Variants in GSDMA observed in about 807,000 individuals in gnomAD.
GSDMA encodes the protein gasdermin A, also known as gasdermin-A.
A neutral mutation model predicts 54.3 loss-of-function variants in GSDMA; 55 were observed. The ratio of observed to expected loss-of-function variants is 1.01; its 90% CI spans 0.82 to 1.27. The LOEUF is 1.27. Ranked by LOEUF, GSDMA falls within the 50% of genes most tolerant of loss-of-function variation. The pLI, the probability that GSDMA is intolerant of heterozygous loss-of-function variation, is 0.00. For missense variants in GSDMA, 542 were observed against 542.6 expected, an observed-to-expected ratio of 1.00 and a Z score of 0.01; for synonymous variants, 211 against 224.7, an observed-to-expected ratio of 0.94 and a Z score of 0.54.
intron 4 of GSDMA, 32 bp downstream of exon 4, chr17:39,970,679 A>T (rs199657712): frequency 6.6e-5 from 37 of 560,162 alleles, no homozygotes; most frequent in South Asian, 8.7e-5. Flanking sequence ...ACACACACAC[A>T]CACACTCTCA....
rs1025865934 is a variant in GSDMA, at chr17:39,965,737, C to G, written c.50C>G (p.Pro17Arg). ...CGGGCCCTGGCCAGACAGCTAAACC[C>G]TCGAGGGGACCTGACACCACTTGAC... Reference protein sequence around the residue: ...VTRALARQLNPRGDLTPLDSL... With the variant: ...VTRALARQLNRRGDLTPLDSL... Residue 17 changes from proline (P) to arginine (R), a missense_variant, in exon 2 of 12, where the codon CCT becomes CGT. Pro to Arg is a moderately radical substitution (Grantham distance 103, BLOSUM62 -2). Transcript: ENST00000301659. The G allele has an allele frequency of 1.9e-6, 3 of 1,611,764 alleles. No homozygotes were observed. In the African/African-American group the frequency reaches 4.0e-5, roughly 22 times the overall value.
intron 6 of GSDMA, 114 bp downstream of exon 6, chr17:39,972,290 T>C: frequency 1.3e-6 from 1 of 783,468 alleles, no homozygotes; most frequent in Non-Finnish European, 2.1e-6. Flanking sequence ...GAGCCTCTGC[T>C]TTTGTTTCCC....
chr17:39,976,941 T>A lies in GSDMA; in HGVS notation c.1221T>A (p.Ser407Arg). 2.5e-6 allele frequency: 4 copies of A among 1,613,940 alleles called. No individual in the cohort carries two copies. Among genetic ancestry groups the A allele is most frequent in the Non-Finnish European group, 2.5e-6 (3 of 1,179,870 alleles). Residue 407 changes from serine to arginine, a missense_variant, in exon 12 of 12, where the codon AGT (serine) becomes AGA (arginine). Transcript: ENST00000301659. Reference protein sequence around the residue: ...LTLTEALVGLSGLEVQRSGPQ... With the variant: ...LTLTEALVGLRGLEVQRSGPQ... ...TCACGGAGGCTCTAGTCGGGCTGAGTGGCCTGGAAGTGCAGAGATCGGGCC... is the reference window on the plus strand; with the variant it reads ...TCACGGAGGCTCTAGTCGGGCTGAGAGGCCTGGAAGTGCAGAGATCGGGCC...
Position 39,965,843 on chromosome 17 carries a change from G to C in GSDMA, c.156G>C (p.Arg52=). Residue 52 remains arginine, a synonymous_variant, in exon 2 of 12, where the codon CGG becomes CGC. Transcript: ENST00000301659. The part of the protein sequence containing the change: ...KRKSTLFWGA[R]YVRTDYTLLD... ...AGAGCACGCTCTTCTGGGGGGCCCG[G>C]TACGTCCGCACCGACTACACGCTGC... The C allele has an allele frequency of 6.4e-7, 1 of 1,573,336 alleles. No homozygotes were observed. Among genetic ancestry groups the C allele is most frequent in the Non-Finnish European group, 8.6e-7 (1 of 1,159,912 alleles).
At chr17:39,972,456 G>C in intron 6 of GSDMA, 131 bp from the exon 7 acceptor site, 1 of 831,418 alleles carries the variant, frequency 1.2e-6, no homozygotes, top group Non-Finnish European at 2.0e-6. Flanking sequence ...CGAATCATGG[G>C]GGTGGATGAG....
In GSDMA at chr17:39,976,876, C is replaced by A. The variant is rs763865076; in HGVS notation, c.1156C>A (p.Pro386Thr). The change falls in exon 12 of 12, where the codon CCT becomes ACT. Residue 386 changes from proline to threonine, a missense_variant. Pro to Thr is a conservative substitution (Grantham distance 38). Coordinates refer to ENST00000301659, the MANE Select transcript of GSDMA (RefSeq NM_178171.5). ...LDKEGVFPLQ[P>T]ELLSSLGDEE... ...TAAAGAGGGTGTTTTCCCCCTGCAA[C>A]CTGAGCTGCTCTCCTCCCTTGGGGA... 31 of 1,613,810 alleles carry A rather than the reference C, an allele frequency of 1.9e-5. No individual in the cohort carries two copies. The highest frequency in any genetic ancestry group is 2.6e-5 in the Non-Finnish European group (31 of 1,179,884).
At position 39,970,805 on chromosome 17, in the gene GSDMA, T is replaced by C. The variant is rs145291298; in HGVS notation, c.558+158T>C. Among the ~76,000 whole-genome samples the C allele has an allele frequency of 7.4e-3, 1,123 of 151,956 alleles. 19 individuals are homozygous for C. Among genetic ancestry groups the C allele is most frequent in the Middle Eastern group, 0.037 (11 of 294 alleles). On this transcript the variant is annotated intron_variant, in intron 4 of 11. Coordinates refer to ENST00000301659, the MANE Select transcript of GSDMA (RefSeq NM_178171.5). ...AAGGGCCACTCCTTCCCCCGGCTCTTAAAGATCCAAACCCCAGACATATGC... is the reference window on the plus strand; with the variant it reads ...AAGGGCCACTCCTTCCCCCGGCTCTCAAAGATCCAAACCCCAGACATATGC...
At chr17:39,967,614 T>C (rs748618969) in intron 3 of GSDMA, among the ~76,000 whole-genome samples, 1 of 152,146 alleles carries the variant, frequency 6.6e-6, no homozygotes, top group Admixed American at 6.5e-5. Context: ...ATGGAGGAAG[T>C]GTGTCAGATA....
rs1308917003 is a variant in GSDMA at position 39,977,628 on chromosome 17, T to C, written c.*570T>C. 6.6e-6 allele frequency: 1 copy of C among 151,958 alleles called. No individual in the cohort carries two copies. The highest frequency in any genetic ancestry group is 1.5e-5 in the Non-Finnish European group (1 of 68,002). 9.4% of individuals were successfully genotyped at this position (151,958 alleles called of 1,614,324 possible). A position where few individuals can be genotyped will look rare whatever the true frequency, so the allele number is the denominator to read the frequency against. ...ATTCTAGGAGTAGAAGCACTCAGAC[T>C]TTTAAAACTATGAGCCGTTTCAGCA... On this transcript the variant is annotated 3_prime_UTR_variant, in exon 12 of 12. Coordinates refer to ENST00000301659, the MANE Select transcript of GSDMA (RefSeq NM_178171.5).
At chr17:39,976,737 C>G (rs776241412) in intron 11 of GSDMA, 79 bp from the exon 12 acceptor site, 1 of 1,568,780 alleles carries the variant, frequency 6.4e-7, no homozygotes, top group Non-Finnish European at 8.7e-7. Context: ...GGGAATGTAA[C>G]CTTCTTGTGA....
Position 39,977,292 on chromosome 17 carries a change from CTTTTTT to C in GSDMA, c.*246_*251del. Reference sequence around the variant, plus strand: ...CTTAAATTTTCTTTACTTTTCTTTTCTTTTTTTTTTTTTTTTTGAGATGGAGGCTCA... The same window carrying C: ...CTTAAATTTTCTTTACTTTTCTTTTCTTTTTTTTTTTGAGATGGAGGCTCA... On this transcript the variant is annotated 3_prime_UTR_variant, in exon 12 of 12. Coordinates refer to ENST00000301659, the MANE Select transcript of GSDMA (RefSeq NM_178171.5). 3.3e-5 allele frequency: 2 copies of C among 59,826 alleles called. No individual in the cohort carries two copies. The highest frequency in any genetic ancestry group is 4.0e-4 in the East Asian group (1 of 2,492). The allele number at this position is 59,826 out of a possible 1,614,324, so 3.7% of individuals were successfully genotyped here.
At chr17:39,972,100 T>TGCCCCC in intron 5 of GSDMA, 29 bp from the exon 6 acceptor site, 1 of 835,096 alleles carries the variant, frequency 1.2e-6, no homozygotes, top group Non-Finnish European at 2.0e-6. Flanking sequence ...CTAAGTGTCC[T>TGCCCCC]CCCACCCTCC....
At chr17:39,966,010 T>C (rs1979643307) in intron 2 of GSDMA, 109 bp downstream of exon 2, 1 of 1,035,966 alleles carries the variant, frequency 9.7e-7, no homozygotes, top group South Asian at 1.5e-5. Flanking sequence ...TGATTAGATG[T>C]CATCTAGCCC....
intron 3 of GSDMA, among the ~76,000 whole-genome samples, chr17:39,970,159 C>T (rs1979866038): frequency 6.6e-6 from 1 of 152,028 alleles, no homozygotes; most frequent in Admixed American, 6.6e-5. Context: ...CATCTACCCC[C>T]GAACTGGAGG....
In GSDMA at chr17:39,974,891, C is replaced by T; in HGVS notation, c.907-9C>T. The T allele has an allele frequency of 6.5e-7, 1 of 1,533,586 alleles. No individual in the cohort carries two copies. Among genetic ancestry groups the T allele is most frequent in the South Asian group, 1.1e-5 (1 of 88,496 alleles). The allele number at this position is 1,533,586 out of a possible 1,614,324, so 95.0% of individuals were successfully genotyped here. A position where few individuals can be genotyped will look rare whatever the true frequency, so the allele number is the denominator to read the frequency against. ...GTTATCTTCAATAGTCGCCCACCTT[C>T]CCCCACAGCTTGAAGGGGCTCTAGA... On this transcript the variant is annotated splice_polypyrimidine_tract_variant and intron_variant, in intron 9 of 11. Coordinates refer to ENST00000301659, the MANE Select transcript of GSDMA (RefSeq NM_178171.5).
chr17:39,975,101 T>C lies in GSDMA; in HGVS notation c.1021+87T>C. On this transcript the variant is annotated intron_variant, in intron 10 of 11. Coordinates refer to ENST00000301659, the MANE Select transcript of GSDMA (RefSeq NM_178171.5). ...ATCAATTCCCAAATGGATGAATAAA[T>C]GAATGAATGACAAATTATACCACAG... The C allele has an allele frequency of 4.0e-6, 3 of 753,158 alleles. No individual in the cohort carries two copies. In the South Asian group the frequency reaches 4.6e-5, roughly 12 times the overall value. The allele number at this position is 753,158 out of a possible 1,614,324, so 46.7% of individuals were successfully genotyped here.
intron 8 of GSDMA, 92 bp from the exon 9 acceptor site, chr17:39,974,181 G>A (rs1980088399): frequency 7.5e-7 from 1 of 1,332,732 alleles, no homozygotes; most frequent in South Asian, 1.5e-5. Context: ...GGTACCTAAA[G>A]GGGGCTGAGT....
chr17:39,973,272 C>CTTTTTTTT (rs113462964), intron 7 of GSDMA, among the ~76,000 whole-genome samples: 1 of 143,188 alleles, frequency 7.0e-6, no homozygotes, highest in Non-Finnish European at 1.5e-5. Context: ...GGCGCCTGGC[C>CTTTTTTTT]TTTTTTTTTT....
intron 10 of GSDMA, among the ~76,000 whole-genome samples, chr17:39,975,378 G>T (rs569459301): frequency 2.6e-5 from 4 of 152,044 alleles, no homozygotes; most frequent in African/African-American, 9.7e-5. Context: ...GAACCCAGGA[G>T]GGGGAGGGTG....
Sources: gnomAD v4.1 joint callset for allele counts (sites outside exome capture counted in the v4.1 genomes callset) on GRCh38, gnomAD v4.1.1 for gene constraint, MANE v1.5 for transcripts, NCBI Gene and HGNC (gene_info 2026-07-23, HGNC 2026-07-21) for gene names.